MSRA: variants seen among roughly 807,000 people sequenced by gnomAD.
MSRA encodes the protein mitochondrial peptide methionine sulfoxide reductase.
In MSRA, 54 loss-of-function variants were observed where a neutral mutation model predicts 31.3. The ratio of observed to expected loss-of-function variants is 1.73; its 90% confidence interval spans 1.39 to 2.17. MSRA has a LOEUF of 2.17. Ranked by LOEUF, MSRA falls within the 30% of genes most tolerant of loss-of-function variation. MSRA has a pLI of 0.00. For missense variants in MSRA, 507 were observed against 300.9 expected (o/e 1.69, Z -5.07); for synonymous variants, 169 against 116.5 (o/e 1.45, Z -2.90).
At chr8:10,324,136 G>C (rs769772898) in intron 5 of MSRA, among the ~76,000 whole-genome samples, 13 of 152,206 alleles carry the variant, frequency 8.5e-5, no homozygotes, top group Non-Finnish European at 1.9e-4. Flanking sequence ...GCACTGTCCA[G>C]TGGAGGGCCT....
chr8:10,185,951 G>A (rs1369557604), intron 1 of MSRA, among the ~76,000 whole-genome samples: 1 of 152,072 alleles, frequency 6.6e-6, no homozygotes, highest in Non-Finnish European at 1.5e-5. Flanking sequence ...CCTGTGCAAA[G>A]GAGGAGTTCT....
At chr8:10,408,024 C>G (rs980449756) in intron 5 of MSRA, among the ~76,000 whole-genome samples, 1 of 152,144 alleles carries the variant, frequency 6.6e-6, no homozygotes, top group East Asian at 1.9e-4. Context: ...AAAAAATTGA[C>G]AAGCTTCGAC....
At chr8:10,232,855 A>G (rs1161334320) in intron 2 of MSRA, among the ~76,000 whole-genome samples, 1 of 152,206 alleles carries the variant, frequency 6.6e-6, no homozygotes, top group Non-Finnish European at 1.5e-5. Flanking sequence ...TGTGTCAAAA[A>G]TGTAAATTTG....
At chr8:10,221,903 G>A (rs151174682) in intron 2 of MSRA, among the ~76,000 whole-genome samples, 1 of 152,258 alleles carries the variant, frequency 6.6e-6, no homozygotes, top group African/African-American at 2.4e-5. Context: ...CAGGAGTGGC[G>A]GAGGCCTGTG....
At chr8:10,124,152 A>C (rs950650792) in intron 1 of MSRA, among the ~76,000 whole-genome samples, 2 of 152,130 alleles carry the variant, frequency 1.3e-5, no homozygotes, top group African/African-American at 4.8e-5. Flanking sequence ...CATAGAGGCA[A>C]AGGGGTTTCA....
At chr8:10,165,857 G>A (rs926604041) in intron 1 of MSRA, among the ~76,000 whole-genome samples, 3 of 151,714 alleles carry the variant, frequency 2.0e-5, no homozygotes, top group Non-Finnish European at 2.9e-5. Context: ...GTTTTAAAAC[G>A]TGTTAAATAA....
At chr8:10,148,265 C>T (rs183950128) in intron 1 of MSRA, among the ~76,000 whole-genome samples, 23 of 151,772 alleles carry the variant, frequency 1.5e-4, no homozygotes, top group Non-Finnish European at 2.9e-4. Flanking sequence ...TCATATAATG[C>T]ACCCTGCTTT....
intron 3 of MSRA, among the ~76,000 whole-genome samples, chr8:10,291,599 T>C (rs958522073): frequency 6.6e-6 from 1 of 152,140 alleles, no homozygotes; most frequent in Non-Finnish European, 1.5e-5. Context: ...TACCTCTTTG[T>C]AGTTAATTAG....
intron 5 of MSRA, among the ~76,000 whole-genome samples, chr8:10,321,976 T>C (rs1271158850): frequency 6.6e-6 from 1 of 152,256 alleles, no homozygotes; most frequent in Non-Finnish European, 1.5e-5. Flanking sequence ...TTAAGTATAC[T>C]TGTATTTCCA....
chr8:10,213,171 C>A (rs1484367101), intron 2 of MSRA, among the ~76,000 whole-genome samples: 1 of 152,074 alleles, frequency 6.6e-6, no homozygotes, highest in South Asian at 2.1e-4. Flanking sequence ...CATTAACGAT[C>A]CCCACCTTCT....
rs1442542907 is a variant in MSRA, at chr8:10,126,273, A to AC, written c.142+71617dup. ...GGTTTTAGTTACTTCTTTTTTAAAT[A>AC]CCGTATTGTTTTTGTTAAATGATAC... On this transcript the variant is annotated intron_variant, in intron 1 of 5. Coordinates refer to ENST00000317173, the MANE Select transcript of MSRA (RefSeq NM_012331.5). Among the ~76,000 whole-genome samples, 4 of 152,284 alleles carry AC rather than the reference A, an allele frequency of 2.6e-5. No homozygotes were observed. In the South Asian group the frequency reaches 8.3e-4, roughly 32 times the overall value.
At chr8:10,278,266 G>T (rs907255760) in intron 3 of MSRA, among the ~76,000 whole-genome samples, 1 of 152,150 alleles carries the variant, frequency 6.6e-6, no homozygotes, top group African/African-American at 2.4e-5. Context: ...GCCATCTGCT[G>T]CATAAATTCC....
At chr8:10,373,698 G>A (rs1330248933) in intron 5 of MSRA, among the ~76,000 whole-genome samples, 2 of 152,220 alleles carry the variant, frequency 1.3e-5, no homozygotes, top group African/African-American at 2.4e-5. Flanking sequence ...AGGCACAGGG[G>A]GCAACACCAG....
chr8:10,392,721 T>C (rs1285204959), intron 5 of MSRA, among the ~76,000 whole-genome samples: 1 of 150,922 alleles, frequency 6.6e-6, no homozygotes, highest in African/African-American at 2.4e-5. Flanking sequence ...GAAGGTCAAA[T>C]TAGCTGATCG....
chr8:10,287,107 C>T (rs934002008), intron 3 of MSRA, among the ~76,000 whole-genome samples: 1 of 152,170 alleles, frequency 6.6e-6, no homozygotes, highest in Non-Finnish European at 1.5e-5. Context: ...TAATTACTGA[C>T]CATCATCAGA....
chr8:10,103,005 G>C (rs369636278), intron 1 of MSRA, among the ~76,000 whole-genome samples: 1 of 152,252 alleles, frequency 6.6e-6, no homozygotes, highest in East Asian at 1.9e-4. Context: ...TAGGGACTGA[G>C]CCTTCTTTAA....
intron 5 of MSRA, among the ~76,000 whole-genome samples, chr8:10,386,852 C>G (rs1054654742): frequency 1.7e-4 from 25 of 143,416 alleles, no homozygotes; most frequent in African/African-American, 5.4e-4. Context: ...TGAGGAGACT[C>G]TTCTTCAGAG....
intron 5 of MSRA, among the ~76,000 whole-genome samples, chr8:10,387,658 G>T (rs546317891): frequency 6.6e-6 from 1 of 152,198 alleles, no homozygotes; most frequent in Non-Finnish European, 1.5e-5. Context: ...TCATCATGCA[G>T]ATAAAGTCTC....
intron 5 of MSRA, among the ~76,000 whole-genome samples, chr8:10,369,545 TGTG>T (rs1805363655): frequency 6.6e-6 from 1 of 152,228 alleles, no homozygotes; most frequent in African/African-American, 2.4e-5. Flanking sequence ...TCTTTTGACT[TGTG>T]GTGCTTCATG....
Sources: allele counts gnomAD v4.1 joint callset (sites outside exome capture counted in the v4.1 genomes callset), GRCh38; gene constraint gnomAD v4.1.1; transcripts MANE v1.5; gene names NCBI Gene and HGNC (gene_info 2026-07-23, HGNC 2026-07-21).